KHDRBS2: variants seen among roughly 807,000 people sequenced by gnomAD.
KHDRBS2 encodes KH domain-containing, RNA-binding, signal transduction-associated protein 2.
A neutral mutation model predicts 44.3 loss-of-function variants in KHDRBS2; 26 were observed. The observed-to-expected ratio is 0.59, with a 90% CI of 0.43 to 0.81. The LOEUF (loss-of-function observed/expected upper bound fraction) is 0.81. Among genes scored for constraint, KHDRBS2 ranks in the 40% least tolerant of loss-of-function variants. The pLI is 0.00. For synonymous variants in KHDRBS2, 194 were observed against 151.1 expected (o/e 1.28, Z -2.08); for missense variants, 476 against 433.1 (o/e 1.10, Z -0.88).
At chr6:62,076,469 C>T (rs1373450599) in intron 2 of KHDRBS2, among the ~76,000 whole-genome samples, 2 of 151,944 alleles carry the variant, frequency 1.3e-5, no homozygotes, top group African/African-American at 4.8e-5. Flanking sequence ...CATTAAGTGG[C>T]TCTGTAAATT....
chr6:61,557,962 C>T, the KHDRBS2 span, among the ~76,000 whole-genome samples: 8,129 of 152,156 alleles, frequency 0.053, 212 homozygotes, highest in East Asian at 0.087. Context: ...GATCCTTTGA[C>T]GCTGTATCAG....
At position 62,061,270 on chromosome 6, in the gene KHDRBS2, G is replaced by C. The variant is rs563943891; in HGVS notation, c.220-13276C>G. Among the ~76,000 whole-genome samples, 1,099 of 151,778 alleles carry C rather than the reference G, an allele frequency of 7.2e-3. 11 individuals are homozygous for C. The highest frequency in any genetic ancestry group is 0.025 in the African/African-American group (1,031 of 41,468). Reference sequence around the variant, plus strand: ...GTTGATGCAGTTTCTTCCTAGTCTCGATGGTCTTTACATTTCGGCATGATT... The same window carrying C: ...GTTGATGCAGTTTCTTCCTAGTCTCCATGGTCTTTACATTTCGGCATGATT... On this transcript the variant is annotated intron_variant, in intron 2 of 8. Transcript: ENST00000281156.
intron 2 of KHDRBS2, among the ~76,000 whole-genome samples, chr6:62,119,536 A>G (rs1271118825): frequency 2.0e-5 from 3 of 152,198 alleles, no homozygotes; most frequent in Admixed American, 1.3e-4. Flanking sequence ...CAAAAGGTGT[A>G]TGCTCAGCCT....
chr6:62,018,192 C>A (rs917626548), intron 3 of KHDRBS2, among the ~76,000 whole-genome samples: 1 of 149,292 alleles, frequency 6.7e-6, no homozygotes, highest in Non-Finnish European at 1.5e-5. Flanking sequence ...TCAAAATATA[C>A]AAATATAAAA....
At chr6:61,587,585 C>T in the KHDRBS2 span, among the ~76,000 whole-genome samples, 9 of 152,198 alleles carry the variant, frequency 5.9e-5, no homozygotes, top group East Asian at 7.7e-4. Context: ...AGTCTTCCTC[C>T]GTGTGGAGTC....
chr6:61,851,704 C>G (rs1795446752), intron 6 of KHDRBS2, among the ~76,000 whole-genome samples: 1 of 152,120 alleles, frequency 6.6e-6, no homozygotes, highest in Admixed American at 6.6e-5. Context: ...AAATAAATGT[C>G]TGTTGTTTAT....
chr6:61,710,247 G>A (rs1407678585), intron 7 of KHDRBS2, among the ~76,000 whole-genome samples: 4 of 151,714 alleles, frequency 2.6e-5, no homozygotes, highest in African/African-American at 7.3e-5. Context: ...AAAGTCAGGT[G>A]AAGTTTTTAC....
chr6:62,085,326 A>G (rs1798185168), intron 2 of KHDRBS2, among the ~76,000 whole-genome samples: 1 of 152,132 alleles, frequency 6.6e-6, no homozygotes, highest in Admixed American at 6.6e-5. Context: ...ACCATGAAAA[A>G]TATGTGGAGT....
intron 1 of KHDRBS2, among the ~76,000 whole-genome samples, chr6:62,201,278 T>C (rs1457889100): frequency 1.3e-5 from 2 of 151,984 alleles, no homozygotes; most frequent in Non-Finnish European, 2.9e-5. Context: ...AATGCTGATA[T>C]AAACAGAAGA....
chr6:61,749,203 T>C (rs977968203), intron 6 of KHDRBS2, among the ~76,000 whole-genome samples: 4 of 151,678 alleles, frequency 2.6e-5, no homozygotes, highest in Non-Finnish European at 4.4e-5. Flanking sequence ...TTAGTAGAGA[T>C]GGGGTTCCGC....
the KHDRBS2 span, among the ~76,000 whole-genome samples, chr6:61,558,411 A>G: frequency 2.6e-5 from 4 of 151,972 alleles, no homozygotes; most frequent in African/African-American, 7.2e-5. Context: ...ACTACAAAAA[A>G]TTTAGCTGTA....
intron 6 of KHDRBS2, among the ~76,000 whole-genome samples, chr6:61,841,554 T>A (rs1793610147): frequency 6.6e-6 from 1 of 152,170 alleles, no homozygotes; most frequent in South Asian, 2.1e-4. Context: ...ATTTATTAGA[T>A]CTTTACTAAT....
the KHDRBS2 span, among the ~76,000 whole-genome samples, chr6:61,564,269 A>C: frequency 6.6e-6 from 1 of 152,140 alleles, no homozygotes; most frequent in African/African-American, 2.4e-5. Flanking sequence ...TCTGAATACT[A>C]TAAAGGTAGT....
intron 2 of KHDRBS2, among the ~76,000 whole-genome samples, chr6:62,087,009 C>T (rs548496795): frequency 6.7e-6 from 1 of 149,954 alleles, no homozygotes; most frequent in South Asian, 2.1e-4. Context: ...CAAAAGCAAT[C>T]CACTATATTG....
the KHDRBS2 span, among the ~76,000 whole-genome samples, chr6:61,641,031 C>G: frequency 3.9e-5 from 6 of 152,122 alleles, no homozygotes. Context: ...AGCATAAAAT[C>G]TAAGTTATAT....
chr6:61,732,175 A>T (rs547835183), intron 7 of KHDRBS2, among the ~76,000 whole-genome samples: 1 of 152,128 alleles, frequency 6.6e-6, no homozygotes, highest in South Asian at 2.1e-4. Flanking sequence ...AAAATCATTT[A>T]TATCACAAAT....
intron 3 of KHDRBS2, among the ~76,000 whole-genome samples, chr6:61,995,261 G>A (rs541668412): frequency 1.3e-5 from 2 of 152,100 alleles, no homozygotes; most frequent in Non-Finnish European, 2.9e-5. Flanking sequence ...TGAATGGTAA[G>A]AAGTGTTCAA....
the KHDRBS2 span, among the ~76,000 whole-genome samples, chr6:61,543,866 G>T: frequency 6.6e-6 from 1 of 152,014 alleles, no homozygotes; most frequent in Non-Finnish European, 1.5e-5. Flanking sequence ...CACAAACTTT[G>T]CATGTTCTCT....
At chr6:61,576,993 G>C in the KHDRBS2 span, among the ~76,000 whole-genome samples, 1 of 152,084 alleles carries the variant, frequency 6.6e-6, no homozygotes, top group East Asian at 1.9e-4. Flanking sequence ...ATCATGTCTA[G>C]TTTTTCAGAT....
Sources: gnomAD v4.1 joint callset for allele counts (sites outside exome capture counted in the v4.1 genomes callset) on GRCh38, gnomAD v4.1.1 for gene constraint, MANE v1.5 for transcripts, NCBI Gene and HGNC (gene_info 2026-07-23, HGNC 2026-07-21) for gene names.